TRNT1: variants seen among roughly 807,000 people sequenced by gnomAD.
TRNT1 encodes CCA tRNA nucleotidyltransferase 1, mitochondrial.
In TRNT1, 44 loss-of-function variants were observed where a neutral mutation model predicts 45.6. The ratio of observed to expected loss-of-function variants is 0.97; its 90% CI spans 0.76 to 1.24. The LOEUF is 1.24. Among genes scored for constraint, TRNT1 ranks in the 50% most tolerant of loss-of-function variants. The pLI, the probability that TRNT1 is intolerant of heterozygous loss-of-function variation, is 0.00. For missense variants in TRNT1, 633 were observed against 504.4 expected (o/e 1.25, Z -2.44); for synonymous variants, 201 against 171.4 (o/e 1.17, Z -1.35).
chr3:3,143,715 T>G (rs1466379774), intron 4 of TRNT1, among the ~76,000 whole-genome samples: 1 of 152,094 alleles, frequency 6.6e-6, no homozygotes, highest in African/African-American at 2.4e-5. Context: ...CTGTCTCTAC[T>G]AAAAATACAA....
At chr3:3,130,037 C>T in intron 2 of TRNT1, 4 of 1,458,062 alleles carry the variant, frequency 2.7e-6, no homozygotes, top group Non-Finnish European at 3.7e-6. Flanking sequence ...GTGCCAGTAG[C>T]TTCTTGCTGT....
At position 3,146,468 on chromosome 3, in the gene TRNT1, A is replaced by C; in HGVS notation, c.647A>C (p.Asp216Ala). 11 of 1,613,694 alleles carry C rather than the reference A, an allele frequency of 6.8e-6. No homozygotes were observed. The highest frequency in any genetic ancestry group is 8.5e-6 in the Non-Finnish European group (10 of 1,179,868). Residue 216 changes from aspartate (D) to alanine (A), a missense_variant, in exon 6 of 8, where the codon GAT becomes GCT. Coordinates refer to ENST00000251607, the MANE Select transcript of TRNT1 (RefSeq NM_182916.3). ...ATTGTAGACAAACCTGGTGACCATG[A>C]TCCTGAGACTTTGGAAGCAATTGCA... ...GRIVDKPGDH[D>A]PETLEAIAEN...
Position 3,129,809 on chromosome 3 carries a change from A to G in TRNT1, c.148+621A>G, listed in dbSNP as rs1704886598. Reference sequence around the variant, plus strand: ...AGGAAACAGATTGTTAGGCATGTGAAGTGCTTTGCCTGTGTTTCTGTAACT... The same window carrying G: ...AGGAAACAGATTGTTAGGCATGTGAGGTGCTTTGCCTGTGTTTCTGTAACT... On this transcript the variant is annotated intron_variant, in intron 2 of 7. Transcript: ENST00000251607. The G allele has an allele frequency of 2.7e-6, 4 of 1,455,362 alleles. No individual in the cohort carries two copies. The South Asian group carries it at 4.9e-5, about 18-fold the overall frequency. 90.2% of individuals were successfully genotyped at this position (1,455,362 alleles called of 1,614,324 possible).
downstream of TRNT1, chr3:3,150,781 G>GGTATGTATC (rs1312820176): frequency 6.2e-6 from 8 of 1,287,222 alleles, no homozygotes; most frequent in Non-Finnish European, 8.8e-6. Flanking sequence ...TGTTTACTTA[G>GGTATGTATC]GTATGTATCA....
intron 2 of TRNT1, chr3:3,136,537 C>T (rs1705335572): frequency 2.6e-6 from 1 of 385,574 alleles, no homozygotes; most frequent in Admixed American, 3.3e-5. Flanking sequence ...CATGCGTGAA[C>T]ATCCTGCCTC....
chr3:3,143,484 TG>T lies in TRNT1; in HGVS notation c.482-1099del, dbSNP rs1372737052. On this transcript the variant is annotated intron_variant, in intron 4 of 7. Transcript: ENST00000251607. The stretch of plus-strand genomic sequence containing the variant: ...TTAAAGGCTCTACAGTGAAGTCTCC[TG>T]ATCTGTAATGAACAGGACTGCCCAT... 7.4e-4 allele frequency among the ~76,000 whole-genome samples: 113 copies of T among 152,346 alleles called. 3 individuals are homozygous for T. Among genetic ancestry groups the T allele is most frequent in the Non-Finnish European group, 4.6e-4 (31 of 68,026 alleles).
At chr3:3,137,902 ATTTC>A (rs1250328251) in intron 3 of TRNT1, among the ~76,000 whole-genome samples, 2 of 152,122 alleles carry the variant, frequency 1.3e-5, no homozygotes, top group Non-Finnish European at 2.9e-5. Context: ...TTGTGATGAC[ATTTC>A]TTCTATTGGC....
chr3:3,150,868 C>T (rs773568119), downstream of TRNT1: 4 of 1,613,222 alleles, frequency 2.5e-6, no homozygotes, highest in South Asian at 2.2e-5. Flanking sequence ...CATCTGTTTA[C>T]AAGCAAAGTA....
chr3:3,135,856 GA>G (rs1249898398), intron 2 of TRNT1, among the ~76,000 whole-genome samples: 5 of 152,188 alleles, frequency 3.3e-5, no homozygotes, highest in Admixed American at 1.3e-4. Flanking sequence ...GCAACATGCT[GA>G]GTGAGGAGTA....
chr3:3,149,704 T>TGAA (rs1559235799), downstream of TRNT1: 1 of 152,100 alleles, frequency 6.6e-6, no homozygotes, highest in East Asian at 1.9e-4. Context: ...CATATCCTGA[T>TGAA]TGGAAGTATT....
intron 5 of TRNT1, 61 bp from the exon 6 acceptor site, chr3:3,146,369 C>T: frequency 7.4e-7 from 1 of 1,348,784 alleles, no homozygotes; most frequent in South Asian, 1.4e-5. Context: ...AAATGAAAAA[C>T]AGATTTTGCT....
chr3:3,134,402 G>T (rs62228611), intron 2 of TRNT1, among the ~76,000 whole-genome samples: 10,343 of 152,158 alleles, frequency 0.068, 668 homozygotes, highest in African/African-American at 0.17. Context: ...GAATGGCAAG[G>T]TTTTTGGAAT....
chr3:3,130,991 AG>A (rs1704983604), intron 2 of TRNT1, among the ~76,000 whole-genome samples: 1 of 151,988 alleles, frequency 6.6e-6, no homozygotes, highest in Non-Finnish European at 1.5e-5. Context: ...CTGAGGTGGG[AG>A]GATCACTGAA....
downstream of TRNT1, among the ~76,000 whole-genome samples, chr3:3,152,150 A>ATT (rs66844241): frequency 3.7e-3 from 540 of 147,084 alleles, 6 homozygotes; most frequent in Middle Eastern, 7.1e-3. Context: ...ATTTAAATAA[A>ATT]TTTTTTTTTT....
At chr3:3,152,046 C>T (rs1161361711), downstream of TRNT1, among the ~76,000 whole-genome samples, 2 of 152,050 alleles carry the variant, frequency 1.3e-5, no homozygotes, top group Non-Finnish European at 2.9e-5. Context: ...AATCTGAGGA[C>T]AACTGCAGTT....
chr3:3,151,490 A>ACTG (rs1559239139), downstream of TRNT1, among the ~76,000 whole-genome samples: 1 of 87,720 alleles, frequency 1.1e-5, no homozygotes. Flanking sequence ...ACGTCTCAAA[A>ACTG]AGTAAATATT....
chr3:3,128,598 CAAA>C lies in TRNT1; in HGVS notation c.-27-395_-27-393del, dbSNP rs111647168. Among the ~76,000 whole-genome samples the C allele has an allele frequency of 3.9e-4, 37 of 96,092 alleles. No homozygotes were observed. In the East Asian group the frequency reaches 3.9e-3, roughly 10 times the overall value. The allele number at this position is 96,092 out of a possible 152,430, so 63.0% of individuals were successfully genotyped here. A position where few individuals can be genotyped will look rare whatever the true frequency, so the allele number is the denominator to read the frequency against. On this transcript the variant is annotated intron_variant, in intron 1 of 7. Transcript: ENST00000251607. ...TGAGCGACAGAGCGAGACTCCATCT[CAAA>C]AAAAAAAAAAAAAAAAAAAAGAATT...
At chr3:3,134,659 C>T (rs1705216846) in intron 2 of TRNT1, among the ~76,000 whole-genome samples, 1 of 152,078 alleles carries the variant, frequency 6.6e-6, no homozygotes, top group African/African-American at 2.4e-5. Flanking sequence ...AGAACAGCTA[C>T]TTGATACCGT....
chr3:3,139,493 A>G (rs1480106199), intron 3 of TRNT1, among the ~76,000 whole-genome samples: 4 of 152,186 alleles, frequency 2.6e-5, no homozygotes, highest in Non-Finnish European at 5.9e-5. Flanking sequence ...CTCTACTCCT[A>G]AATGCTAATA....
Sources: gnomAD v4.1 joint callset for allele counts (sites outside exome capture counted in the v4.1 genomes callset) on GRCh38, gnomAD v4.1.1 for gene constraint, MANE v1.5 for transcripts, NCBI Gene and HGNC (gene_info 2026-07-23, HGNC 2026-07-21) for gene names.